The following ZC3H4 variants were observed in gnomAD, a reference collection of about 807,000 sequenced individuals.
ZC3H4 encodes the protein zinc finger CCCH-type containing 4, also known as zinc finger CCCH domain-containing protein 4.
ZC3H4 carries 13 observed loss-of-function variants against 108.3 expected under a neutral mutation model. That is an observed-to-expected ratio of 0.12 (90% confidence interval 0.08 to 0.19). The LOEUF is 0.19. Among genes scored for constraint, ZC3H4 ranks in the 10% least tolerant of loss-of-function variants. ZC3H4 has a pLI of 1.00. For synonymous variants in ZC3H4, 917 were observed against 749.6 expected (o/e 1.22, Z -3.65); for missense variants, 1,734 against 1,838.8 (o/e 0.94, Z 1.04).
rs575330593 is a variant in ZC3H4 at position 47,094,184 on chromosome 19, C to T, written c.382-104G>A. 9 of 1,236,594 alleles carry T rather than the reference C, an allele frequency of 7.3e-6. No individual in the cohort carries two copies. The South Asian group carries it at 9.2e-5, about 13-fold the overall frequency. 76.6% of individuals were successfully genotyped at this position (1,236,594 alleles called of 1,614,324 possible). Reference sequence around the variant, plus strand: ...TGCTGGCATGTGCCGCAGGGCTCTGCGCTTCACCTGAAACACCTCACCTGG... The same window carrying T: ...TGCTGGCATGTGCCGCAGGGCTCTGTGCTTCACCTGAAACACCTCACCTGG... On this transcript the variant is annotated intron_variant, in intron 3 of 14. Transcript: ENST00000253048.
At chr19:47,112,730 G>T in intron 1 of ZC3H4, 141 bp from the exon 2 acceptor site, 1 of 452,026 alleles carries the variant, frequency 2.2e-6, no homozygotes, top group Non-Finnish European at 3.6e-6. Context: ...GCTGACCTCC[G>T]CGTAGGCCGC....
intron 2 of ZC3H4, among the ~76,000 whole-genome samples, chr19:47,102,927 T>C (rs2057922238): frequency 1.3e-5 from 2 of 152,204 alleles, no homozygotes; most frequent in East Asian, 3.8e-4. Flanking sequence ...GCAAACCACT[T>C]AGGCAGAACA....
Position 47,081,606 on chromosome 19 carries a change from C to T in ZC3H4, c.1347G>A (p.Lys449=), listed in dbSNP as rs2057524973. 1.9e-6 allele frequency: 3 copies of T among 1,614,198 alleles called. No individual in the cohort carries two copies. Among genetic ancestry groups the T allele is most frequent in the Non-Finnish European group, 1.7e-6 (2 of 1,180,016 alleles). The change falls in exon 11 of 15, where the codon AAG becomes AAA. Residue 449 remains lysine, a synonymous_variant. Transcript: ENST00000253048. ...TGCAGTTCCCAGTGGTGTGGTACAG[C>T]TTACACGGGAAATCACGTTCATGGC... ...CPYMHGDFPC[K]LYHTTGNCIN...
intron 2 of ZC3H4, among the ~76,000 whole-genome samples, chr19:47,098,741 G>A (rs1241413282): frequency 2.0e-5 from 3 of 152,148 alleles, no homozygotes; most frequent in Non-Finnish European, 2.9e-5. Context: ...TTCAGTCTGG[G>A]TGACAGAGCT....
At chr19:47,090,675 C>CG (rs1213710726) in intron 4 of ZC3H4, among the ~76,000 whole-genome samples, 2 of 152,160 alleles carry the variant, frequency 1.3e-5, no homozygotes, top group African/African-American at 4.8e-5. Context: ...CTCATAAAAA[C>CG]GGAAGCAACC....
chr19:47,090,608 A>T (rs752302326), intron 4 of ZC3H4, among the ~76,000 whole-genome samples: 2 of 152,298 alleles, frequency 1.3e-5, no homozygotes, highest in South Asian at 4.1e-4. Context: ...CAGCCATCTC[A>T]AATGATGCTT....
chr19:47,084,304 C>A (rs1439671521), intron 9 of ZC3H4, 41 bp downstream of exon 9: 16 of 1,580,960 alleles, frequency 1.0e-5, no homozygotes, highest in Non-Finnish European at 1.3e-5. Context: ...CCTCTGGGGG[C>A]TATGGCCTCC....
At chr19:47,099,306 A>T (rs191914310) in intron 2 of ZC3H4, among the ~76,000 whole-genome samples, 1 of 152,144 alleles carries the variant, frequency 6.6e-6, no homozygotes, top group African/African-American at 2.4e-5. Context: ...CTCAAAATAC[A>T]AAATTAGTCG....
intron 11 of ZC3H4, among the ~76,000 whole-genome samples, chr19:47,074,757 C>T (rs1398855244): frequency 6.6e-6 from 1 of 152,242 alleles, no homozygotes; most frequent in Non-Finnish European, 1.5e-5. Context: ...AGTCTCCTCG[C>T]AGACAGCATG....
In ZC3H4 at chr19:47,096,338, G is replaced by A. The variant is rs141558997; in HGVS notation, c.162-1730C>T. Among the ~76,000 whole-genome samples the A allele has an allele frequency of 4.5e-3, 693 of 152,354 alleles. 6 individuals are homozygous for A. Among genetic ancestry groups the A allele is most frequent in the African/African-American group, 0.016 (668 of 41,576 alleles). ...TCCCCGACTAGCAAACTTGGAATGG[G>A]GCGGGGGTGCAGGCTGCAGTCCTGA... On this transcript the variant is annotated intron_variant, in intron 2 of 14. Transcript: ENST00000253048.
Position 47,090,130 on chromosome 19 carries a change from C to T in ZC3H4, c.552G>A (p.Lys184=). 6.2e-7 allele frequency: 1 copy of T among 1,614,222 alleles called. No individual in the cohort carries two copies. The highest frequency in any genetic ancestry group is 8.5e-7 in the Non-Finnish European group (1 of 1,180,042). Residue 184 remains lysine (K), a synonymous_variant, in exon 5 of 15, where the codon AAG becomes AAA. Coordinates refer to ENST00000253048, the MANE Select transcript of ZC3H4 (RefSeq NM_015168.2). ...ACATGCCATAACTCTTGCTGTCCATCTTGGAGTATGCCTTCTTGGGCAGGG... is the reference window on the plus strand; with the variant it reads ...ACATGCCATAACTCTTGCTGTCCATTTTGGAGTATGCCTTCTTGGGCAGGG... ...ATPLPKKAYS[K]MDSKSYGMYE...
At chr19:47,092,928 G>C (rs1432442916) in intron 4 of ZC3H4, among the ~76,000 whole-genome samples, 1 of 150,904 alleles carries the variant, frequency 6.6e-6, no homozygotes, top group Non-Finnish European at 1.5e-5. Flanking sequence ...ATCATAAGAT[G>C]ATTTGCGGCC....
Position 47,090,134 on chromosome 19 carries a change from G to C in ZC3H4, c.548C>G (p.Ser183Cys), listed in dbSNP as rs1945614757. 3 of 1,614,162 alleles carry C rather than the reference G, an allele frequency of 1.9e-6. No individual in the cohort carries two copies. Among genetic ancestry groups the C allele is most frequent in the Admixed American group, 1.7e-5 (1 of 60,022 alleles). The change falls in exon 5 of 15, where the codon TCC (serine) becomes TGC (cysteine). Residue 183 changes from serine (S) to cysteine (C), a missense_variant. This residue lies in a region of ZC3H4 where 403 missense variants were observed against 457.0 expected (regional missense o/e 0.88). Coordinates refer to ENST00000253048, the MANE Select transcript of ZC3H4 (RefSeq NM_015168.2). ...HATPLPKKAYSKMDSKSYGMY... is the reference protein window; with the variant it reads ...HATPLPKKAYCKMDSKSYGMY... ...GCCATAACTCTTGCTGTCCATCTTG[G>C]AGTATGCCTTCTTGGGCAGGGGCGT...
At chr19:47,109,297 G>A (rs1007677555) in intron 2 of ZC3H4, among the ~76,000 whole-genome samples, 6 of 152,166 alleles carry the variant, frequency 3.9e-5, no homozygotes, top group African/African-American at 1.4e-4. Context: ...ACATGCCTGT[G>A]AGCTTTTTAA....
At chr19:47,111,616 A>C (rs77073645) in intron 2 of ZC3H4, among the ~76,000 whole-genome samples, 1 of 150,464 alleles carries the variant, frequency 6.6e-6, no homozygotes, top group East Asian at 1.9e-4. Context: ...CCTGCCCTTT[A>C]GCAAAAACAC....
chr19:47,066,989 C>T lies in ZC3H4; in HGVS notation c.3279G>A (p.Arg1093=). 6.3e-7 allele frequency: 1 copy of T among 1,589,280 alleles called. No individual in the cohort carries two copies. The highest frequency in any genetic ancestry group is 8.6e-7 in the Non-Finnish European group (1 of 1,167,890). The stretch of plus-strand genomic sequence containing the variant: ...CCTCAGCAGGGCCGGGCTTGGCAGC[C>T]CGGGAGGAGGCCGTAGAGTCTGTGG... ...QKPTDSTASS[R]AAKPGPAEAP... The change falls in exon 15 of 15, where the codon CGG becomes CGA. Residue 1093 remains arginine, a synonymous_variant. Transcript: ENST00000253048.
At position 47,094,417 on chromosome 19, in the gene ZC3H4, G is replaced by A. The variant is rs1353485516; in HGVS notation, c.353C>T (p.Ser118Leu). ...GTGCTTGGATTTCCTCCTCTTCTTC[G>A]ACCTCCTTTTCTCTTTCTCCCGCTC... ...KKEREKEKRR[S>L]KKRRKSKHKR... The change falls in exon 3 of 15, where the codon TCG (serine) becomes TTG (leucine). Residue 118 changes from serine to leucine, a missense_variant. By Grantham distance (145) the Ser-to-Leu change is moderately radical (BLOSUM62 -2). Transcript: ENST00000253048. The A allele has an allele frequency of 5.0e-6, 8 of 1,614,052 alleles. No homozygotes were observed. Among genetic ancestry groups the A allele is most frequent in the African/African-American group, 4.0e-5 (3 of 75,028 alleles).
intron 11 of ZC3H4, among the ~76,000 whole-genome samples, chr19:47,074,353 ACTGTTTCTTCC>A (rs2057380492): frequency 6.6e-6 from 1 of 152,204 alleles, no homozygotes; most frequent in South Asian, 2.1e-4. Context: ...AGAGGGCAGG[ACTGTTTCTTCC>A]CTGCTATATC....
At position 47,084,384 on chromosome 19, in the gene ZC3H4, T is replaced by G; in HGVS notation, c.1179A>C (p.Lys393Asn). The stretch of plus-strand genomic sequence containing the variant: ...CTTCCACGAAGTACTTGCAAATGAC[T>G]TTGCCTTTCTTGTCCGACTGCTGGT... ...KPHQQSDKKGKVICKYFVEGR... is the reference protein window; with the variant it reads ...KPHQQSDKKGNVICKYFVEGR... The change falls in exon 9 of 15, where the codon AAA becomes AAC. Residue 393 changes from lysine to asparagine, a missense_variant. This residue lies in a region of ZC3H4 where 403 missense variants were observed against 457.0 expected (regional missense o/e 0.88). Coordinates refer to ENST00000253048, the MANE Select transcript of ZC3H4 (RefSeq NM_015168.2). The G allele has an allele frequency of 6.2e-7, 1 of 1,614,228 alleles. No individual in the cohort carries two copies. The highest frequency in any genetic ancestry group is 8.5e-7 in the Non-Finnish European group (1 of 1,180,040).
Sources: gnomAD v4.1 joint callset for allele counts (sites outside exome capture counted in the v4.1 genomes callset) on GRCh38, gnomAD v4.1.1 for gene constraint, gnomAD v4.1.1 regional missense constraint, MANE v1.5 for transcripts, NCBI Gene and HGNC (gene_info 2026-07-23, HGNC 2026-07-21) for gene names.